UNC13C: variants seen among roughly 807,000 people sequenced by gnomAD.
The protein encoded by UNC13C is unc-13 homolog C.
Under a neutral mutation model 245.4 loss-of-function variants are expected in UNC13C, and 174 were observed. That is an observed-to-expected ratio of 0.71 (90% CI 0.63 to 0.80). The LOEUF (loss-of-function observed/expected upper bound fraction) is 0.80. Among genes scored for constraint, UNC13C ranks in the 30% least tolerant of loss-of-function variants. The pLI is 0.00. For missense variants in UNC13C, 2,829 were observed against 2,602.9 expected (o/e 1.09, Z -1.89); for synonymous variants, 992 against 895.1 (o/e 1.11, Z -1.93).
intron 30 of UNC13C, among the ~76,000 whole-genome samples, chr15:54,599,198 A>T (rs1055772933): frequency 6.6e-6 from 1 of 152,086 alleles, no homozygotes; most frequent in Non-Finnish European, 1.5e-5. Flanking sequence ...CATCTTACCA[A>T]TGAAGAGAAA....
chr15:53,905,035 G>T, the UNC13C span, among the ~76,000 whole-genome samples: 1 of 152,054 alleles, frequency 6.6e-6, no homozygotes. Context: ...ATCACAAGCA[G>T]ATATGACTTA....
intron 8 of UNC13C, among the ~76,000 whole-genome samples, chr15:54,251,054 G>A (rs1365121184): frequency 2.0e-5 from 3 of 152,024 alleles, no homozygotes; most frequent in African/African-American, 7.2e-5. Context: ...CACCGCGCCC[G>A]GCCCCTATCT....
At chr15:54,121,044 G>C (rs1317234898) in intron 2 of UNC13C, among the ~76,000 whole-genome samples, 1 of 152,148 alleles carries the variant, frequency 6.6e-6, no homozygotes, top group Non-Finnish European at 1.5e-5. Context: ...CGTAAATTTA[G>C]TTGATAAAGC....
At chr15:54,619,853 G>T in intron 30 of UNC13C, among the ~76,000 whole-genome samples, 1 of 152,136 alleles carries the variant, frequency 6.6e-6, no homozygotes, top group Non-Finnish European at 1.5e-5. Flanking sequence ...ATAATTAACT[G>T]TAATACTAGC....
At chr15:54,086,737 C>CTTTTTTTTTTTTTTCTTTTTTTTTTT (rs1899262207) in intron 2 of UNC13C, among the ~76,000 whole-genome samples, 1 of 92,010 alleles carries the variant, frequency 1.1e-5, no homozygotes, top group East Asian at 3.5e-4. Context: ...TATTTTCTTT[C>CTTTTTTTTTTTTTTCTTTTTTTTTTT]TTTTTTTTTT....
intron 19 of UNC13C, among the ~76,000 whole-genome samples, chr15:54,419,118 T>C (rs1050444159): frequency 6.6e-6 from 1 of 152,210 alleles, no homozygotes; most frequent in East Asian, 1.9e-4. Flanking sequence ...CTGTTTGTAA[T>C]GCTATTATTT....
chr15:54,194,786 C>A (rs1324671901), intron 4 of UNC13C, among the ~76,000 whole-genome samples: 1 of 152,060 alleles, frequency 6.6e-6, no homozygotes, highest in Non-Finnish European at 1.5e-5. Context: ...TCTACACAGA[C>A]ACAGCTGAAG....
At position 54,476,008 on chromosome 15, in the gene UNC13C, C is replaced by T. The variant is rs1356356279; in HGVS notation, c.4934-18600C>T. On this transcript the variant is annotated intron_variant, in intron 19 of 32. Coordinates refer to ENST00000260323, the MANE Select transcript of UNC13C (RefSeq NM_001080534.3). ...TTTTAATGATTGCCATTCTAACTGG[C>T]GTGAGATGGTATCTCATTGTGGTTT... Among the ~76,000 whole-genome samples the T allele has an allele frequency of 5.3e-4, 61 of 114,702 alleles. 4 individuals carry two copies. The highest frequency in any genetic ancestry group is 3.2e-3 in the Admixed American group (36 of 11,394). The allele number at this position is 114,702 out of a possible 152,430, so 75.2% of individuals were successfully genotyped here.
chr15:53,869,138 T>G, the UNC13C span, among the ~76,000 whole-genome samples: 2 of 152,132 alleles, frequency 1.3e-5, no homozygotes, highest in African/African-American at 4.8e-5. Context: ...AGCAAATTGA[T>G]AATCCATCAT....
intron 28 of UNC13C, among the ~76,000 whole-genome samples, chr15:54,554,547 C>G (rs1897016062): frequency 6.6e-6 from 1 of 152,054 alleles, no homozygotes; most frequent in Admixed American, 6.6e-5. Flanking sequence ...TTCTAATTCA[C>G]AAAGTCACCT....
chr15:54,214,379 A>C (rs1219462717), intron 4 of UNC13C, among the ~76,000 whole-genome samples: 1 of 151,926 alleles, frequency 6.6e-6, no homozygotes, highest in African/African-American at 2.4e-5. Flanking sequence ...ATGTGTCTTT[A>C]GTCTGAGCTA....
At chr15:54,329,163 A>G (rs1567191239) in intron 14 of UNC13C, among the ~76,000 whole-genome samples, 1 of 146,844 alleles carries the variant, frequency 6.8e-6, no homozygotes, top group Non-Finnish European at 1.5e-5. Context: ...GATACGTAAT[A>G]GTTGTACATA....
At position 54,297,715 on chromosome 15, in the gene UNC13C, G is replaced by GT. The variant is rs1325518860; in HGVS notation, c.3989-89dup. On this transcript the variant is annotated intron_variant, in intron 11 of 32. Coordinates refer to ENST00000260323, the MANE Select transcript of UNC13C (RefSeq NM_001080534.3). ...AAAATAGCTTTTAGCTACTTAAGCC[G>GT]TTTTTTTGTTTTTTTGTTTTTTAGC... The GT allele has an allele frequency of 4.8e-5, 42 of 877,716 alleles. No homozygotes were observed. In the East Asian group the frequency reaches 6.4e-4, roughly 13 times the overall value. The allele number at this position is 877,716 out of a possible 1,614,324, so 54.4% of individuals were successfully genotyped here. A position where few individuals can be genotyped will look rare whatever the true frequency, so the allele number is the denominator to read the frequency against.
intron 19 of UNC13C, among the ~76,000 whole-genome samples, chr15:54,426,811 ATTC>A: frequency 6.6e-6 from 1 of 151,894 alleles, no homozygotes; most frequent in East Asian, 2.0e-4. Context: ...ACATCAATTT[ATTC>A]TTCTGAAAAA....
At chr15:54,463,770 A>G (rs1319683419) in intron 19 of UNC13C, among the ~76,000 whole-genome samples, 2 of 152,162 alleles carry the variant, frequency 1.3e-5, no homozygotes, top group African/African-American at 4.8e-5. Context: ...CGGACACAAA[A>G]TGAAAACCAG....
chr15:54,084,304 A>G (rs4644815), intron 2 of UNC13C, among the ~76,000 whole-genome samples: 71,290 of 152,128 alleles, frequency 0.47, 18,714 homozygotes, highest in Non-Finnish European at 0.6. Flanking sequence ...TTCCTCGTGT[A>G]TAACGGAGTG....
At chr15:54,532,115 A>G (rs774632043) in intron 25 of UNC13C, among the ~76,000 whole-genome samples, 7 of 152,140 alleles carry the variant, frequency 4.6e-5, no homozygotes, top group Non-Finnish European at 1.0e-4. Flanking sequence ...ATTATAATAC[A>G]TCATCCAGGT....
chr15:54,376,094 C>T, intron 17 of UNC13C, among the ~76,000 whole-genome samples: 1 of 151,998 alleles, frequency 6.6e-6, no homozygotes, highest in Non-Finnish European at 1.5e-5. Context: ...GGAGAAGAGA[C>T]ATTGAATATC....
At chr15:54,385,771 G>T (rs1458553591) in intron 17 of UNC13C, among the ~76,000 whole-genome samples, 1 of 151,736 alleles carries the variant, frequency 6.6e-6, no homozygotes, top group Non-Finnish European at 1.5e-5. Context: ...CAAATATGCT[G>T]GCTTAATCAT....
Sources: gnomAD v4.1 joint callset for allele counts (sites outside exome capture counted in the v4.1 genomes callset) on GRCh38, gnomAD v4.1.1 for gene constraint, MANE v1.5 for transcripts, NCBI Gene and HGNC (gene_info 2026-07-23, HGNC 2026-07-21) for gene names.